Variants in INSC observed in about 807,000 individuals in gnomAD.
INSC encodes the protein protein inscuteable homolog.
Under a neutral mutation model 58.6 loss-of-function variants are expected in INSC, and 67 were observed. The ratio of observed to expected loss-of-function variants is 1.14; its 90% CI spans 0.94 to 1.40. The LOEUF is 1.40. Among genes scored for constraint, INSC ranks in the 40% most tolerant of loss-of-function variants. The pLI, the probability that INSC is intolerant of heterozygous loss-of-function variation, is 0.00. For missense variants in INSC, 714 were observed against 692.0 expected (o/e 1.03, Z -0.36); for synonymous variants, 262 against 276.1 (o/e 0.95, Z 0.51).
intron 7 of INSC, among the ~76,000 whole-genome samples, chr11:15,215,368 G>A (rs190895796): frequency 1.3e-5 from 2 of 152,190 alleles, no homozygotes; most frequent in Non-Finnish European, 2.9e-5. Flanking sequence ...TTCCTAAAAT[G>A]GGACTTGTGT....
intron 12 of INSC, chr11:15,241,702 C>T (rs1399890465): frequency 1.5e-6 from 1 of 671,110 alleles, no homozygotes; most frequent in African/African-American, 1.8e-5. Flanking sequence ...GAGCCCTTCT[C>T]AGAATAATCC....
At chr11:15,206,220 C>A (rs1850791321) in intron 7 of INSC, among the ~76,000 whole-genome samples, 1 of 152,158 alleles carries the variant, frequency 6.6e-6, no homozygotes, top group Admixed American at 6.5e-5. Flanking sequence ...AGGGCTGTCC[C>A]ATGGCCATCA....
intron 2 of INSC, among the ~76,000 whole-genome samples, chr11:15,170,311 C>T (rs575634886): frequency 2.6e-5 from 4 of 152,092 alleles, no homozygotes; most frequent in African/African-American, 9.6e-5. Flanking sequence ...CAGGATTCCA[C>T]CCAGGATATC....
intron 10 of INSC, among the ~76,000 whole-genome samples, chr11:15,237,789 A>G (rs1852188872): frequency 6.6e-6 from 1 of 152,146 alleles, no homozygotes. Flanking sequence ...TAAAGAAGGA[A>G]CTCATAATAA....
At chr11:15,235,167 G>A (rs1305275110) in intron 9 of INSC, 3 of 230,762 alleles carry the variant, frequency 1.3e-5, no homozygotes, top group Non-Finnish European at 2.6e-5. Flanking sequence ...TTAGTATCCA[G>A]GAAAGAAGCT....
intron 7 of INSC, among the ~76,000 whole-genome samples, chr11:15,219,122 T>C (rs933898570): frequency 1.3e-5 from 2 of 151,996 alleles, no homozygotes; most frequent in Admixed American, 1.3e-4. Context: ...GTGGAGCTGT[T>C]AAAAAGCAGA....
the INSC span, among the ~76,000 whole-genome samples, chr11:15,264,369 G>A: frequency 6.8e-6 from 1 of 147,908 alleles, no homozygotes; most frequent in African/African-American, 2.5e-5. Flanking sequence ...GCTTTGAAAG[G>A]CCCCTTTAGT....
chr11:15,130,179 A>G (rs191797691), intron 1 of INSC, among the ~76,000 whole-genome samples: 60 of 152,360 alleles, frequency 3.9e-4, no homozygotes, highest in Admixed American at 7.2e-4. Context: ...CTCACAGGAA[A>G]TGCTTTCATT....
the INSC span, among the ~76,000 whole-genome samples, chr11:15,264,046 C>T: frequency 6.7e-6 from 1 of 149,068 alleles, no homozygotes; most frequent in African/African-American, 2.5e-5. Context: ...CTTTGAAAGG[C>T]CCCTTTAGTT....
the INSC span, among the ~76,000 whole-genome samples, chr11:15,260,958 G>A: frequency 6.6e-6 from 1 of 152,192 alleles, no homozygotes; most frequent in African/African-American, 2.4e-5. Context: ...GCTCACAAAG[G>A]TTAGGCCCTA....
intron 1 of INSC, among the ~76,000 whole-genome samples, chr11:15,132,976 A>G (rs1008995272): frequency 6.6e-6 from 1 of 151,940 alleles, no homozygotes; most frequent in Admixed American, 6.6e-5. Context: ...GTGTGTATGT[A>G]TATGTTTTGT....
At chr11:15,230,367 C>T (rs1252886447) in intron 9 of INSC, among the ~76,000 whole-genome samples, 3 of 151,858 alleles carry the variant, frequency 2.0e-5, no homozygotes, top group Admixed American at 6.6e-5. Flanking sequence ...GCAGACACAT[C>T]GCATGGCAGA....
intron 2 of INSC, among the ~76,000 whole-genome samples, chr11:15,166,354 GA>G (rs1227926978): frequency 1.3e-5 from 2 of 152,182 alleles, no homozygotes; most frequent in Non-Finnish European, 2.9e-5. Flanking sequence ...TGCCTTGAAT[GA>G]GAAGTTTCTC....
intron 1 of INSC, among the ~76,000 whole-genome samples, chr11:15,118,096 C>T (rs1376407003): frequency 2.0e-5 from 3 of 152,182 alleles, no homozygotes; most frequent in Non-Finnish European, 4.4e-5. Context: ...TCTGAGCCCT[C>T]CCCCAGTATG....
rs185765478 is a variant in INSC, at chr11:15,224,174, G to T, written c.992-1476G>T. On this transcript the variant is annotated intron_variant, in intron 8 of 12. Transcript: ENST00000379556. Reference sequence around the variant, plus strand: ...TGTTGTAAGGATTAAATTATGTAATGAAGTAAAAAATATGTACAGCAGTGA... The same window carrying T: ...TGTTGTAAGGATTAAATTATGTAATTAAGTAAAAAATATGTACAGCAGTGA... Among the ~76,000 whole-genome samples the T allele has an allele frequency of 3.2e-4, 48 of 152,282 alleles. No individual in the cohort carries two copies. In the East Asian group the frequency reaches 8.5e-3, roughly 27 times the overall value.
In INSC at chr11:15,235,687, G is replaced by T. The variant is rs762160704; in HGVS notation, c.1237+19G>T. 2.5e-6 allele frequency: 4 copies of T among 1,597,570 alleles called. No individual in the cohort carries two copies. In the South Asian group the frequency reaches 4.4e-5, roughly 18 times the overall value. ...GAAAATGGTATGTCTTTGCAGCATT[G>T]TACATGTTATGTGGATTATCTGGAT... On this transcript the variant is annotated intron_variant, in intron 10 of 12. Transcript: ENST00000379556.
At chr11:15,226,638 T>C (rs1851651408) in intron 9 of INSC, among the ~76,000 whole-genome samples, 1 of 152,182 alleles carries the variant, frequency 6.6e-6, no homozygotes, top group South Asian at 2.1e-4. Context: ...TATCCCTGTC[T>C]GCATTTTAGC....
rs543004228 is a variant in INSC at position 15,235,957 on chromosome 11, G to A, written c.1237+289G>A. ...TGTAATCTCAGCTACTCAGGAGGCT[G>A]AGGCAGGAGAATCACTTGAACCTGG... On this transcript the variant is annotated intron_variant, in intron 10 of 12. Coordinates refer to ENST00000379556, the MANE Select transcript of INSC (RefSeq NM_001042536.3). Among the ~76,000 whole-genome samples, 273 of 151,728 alleles carry A rather than the reference G, an allele frequency of 1.8e-3. 2 individuals are homozygous for A. Among genetic ancestry groups the A allele is most frequent in the African/African-American group, 6.4e-3 (264 of 41,312 alleles).
At chr11:15,114,103 T>C (rs1590316906), upstream of INSC, among the ~76,000 whole-genome samples, 1 of 151,288 alleles carries the variant, frequency 6.6e-6, no homozygotes. Context: ...TCTGGGAGCC[T>C]CATAGCAAGA....
Sources: gnomAD v4.1 joint callset for allele counts (sites outside exome capture counted in the v4.1 genomes callset) on GRCh38, gnomAD v4.1.1 for gene constraint, MANE v1.5 for transcripts, NCBI Gene and HGNC (gene_info 2026-07-23, HGNC 2026-07-21) for gene names.